PCNX1: variants seen among roughly 807,000 people sequenced by gnomAD.
PCNX1 encodes the protein pecanex 1.
In PCNX1, 78 loss-of-function variants were observed where a neutral mutation model predicts 242.2. The observed-to-expected ratio is 0.32, with a 90% CI of 0.27 to 0.39. The LOEUF is 0.39. Among genes scored for constraint, PCNX1 ranks in the 10% least tolerant of loss-of-function variants. PCNX1 has a pLI of 1.00. For synonymous variants in PCNX1, 1,024 were observed against 1,032.9 expected (o/e 0.99, Z 0.17); for missense variants, 2,581 against 2,856.5 (o/e 0.90, Z 2.20).
At position 71,061,083 on chromosome 14, in the gene PCNX1, G is replaced by A. The variant is rs142126663; in HGVS notation, c.4852+3359G>A. Among the ~76,000 whole-genome samples the A allele has an allele frequency of 2.2e-3, 340 of 152,294 alleles. 2 individuals carry two copies. The highest frequency in any genetic ancestry group is 7.9e-3 in the African/African-American group (327 of 41,562). ...AAATCTTCAGTATAGATGAAAGCTTGCTATTCTGAAAACAGATACTGGAAA... is the reference window on the plus strand; with the variant it reads ...AAATCTTCAGTATAGATGAAAGCTTACTATTCTGAAAACAGATACTGGAAA... On this transcript the variant is annotated intron_variant, in intron 26 of 35. Coordinates refer to ENST00000304743, the MANE Select transcript of PCNX1 (RefSeq NM_014982.3).
intron 27 of PCNX1, among the ~76,000 whole-genome samples, chr14:71,074,990 CTTTTTTTTTT>C (rs900279128): frequency 9.9e-5 from 10 of 101,114 alleles, no homozygotes; most frequent in East Asian, 8.6e-4. Flanking sequence ...CTTTTCTTCT[CTTTTTTTTTT>C]TTTTTTTTTT....
intron 1 of PCNX1, among the ~76,000 whole-genome samples, chr14:70,928,381 A>C (rs998030421): frequency 2.8e-4 from 43 of 152,302 alleles, no homozygotes; most frequent in African/African-American, 9.6e-4. Flanking sequence ...TTGCAATAGA[A>C]TATATCAGGA....
chr14:70,973,336 G>A (rs893391877), intron 5 of PCNX1, among the ~76,000 whole-genome samples: 1 of 151,936 alleles, frequency 6.6e-6, no homozygotes, highest in Non-Finnish European at 1.5e-5. Context: ...AGGAGACTGA[G>A]TAGGAACAAC....
rs115100158 is a variant in PCNX1 at position 70,963,137 on chromosome 14, G to A, written c.468+806G>A. Among the ~76,000 whole-genome samples the A allele has an allele frequency of 6.3e-3, 954 of 152,314 alleles. 8 individuals are homozygous for A. Among genetic ancestry groups the A allele is most frequent in the African/African-American group, 0.022 (920 of 41,566 alleles). ...TATCATATGACACAGATTGTGGATT[G>A]AAACCATTCTTCTCTTTTCTGCCTG... On this transcript the variant is annotated intron_variant, in intron 3 of 35. Transcript: ENST00000304743.
At position 70,914,314 on chromosome 14, in the gene PCNX1, T is replaced by C. The variant is rs1196493134; in HGVS notation, c.153+6311T>C. Among the ~76,000 whole-genome samples, 6 of 139,020 alleles carry C rather than the reference T, an allele frequency of 4.3e-5. No individual in the cohort carries two copies. The East Asian group carries it at 1.2e-3, about 29-fold the overall frequency. The allele number at this position is 139,020 out of a possible 152,430, so 91.2% of individuals were successfully genotyped here. A position where few individuals can be genotyped will look rare whatever the true frequency, so the allele number is the denominator to read the frequency against. On this transcript the variant is annotated intron_variant, in intron 1 of 35. Transcript: ENST00000304743. ...TGCCTATGTGACAAACCTGCACATG[T>C]ACCTTGCTGAATCTAAAGGAAAAGA...
At chr14:70,942,226 A>T (rs1038259726) in intron 1 of PCNX1, among the ~76,000 whole-genome samples, 7 of 152,194 alleles carry the variant, frequency 4.6e-5, no homozygotes, top group African/African-American at 9.7e-5. Flanking sequence ...GGAGCTGTAG[A>T]CTGGAGCTTT....
Position 70,988,669 on chromosome 14 carries a change from C to T in PCNX1, c.2414C>T (p.Pro805Leu), listed in dbSNP as rs753345355. The T allele has an allele frequency of 1.9e-6, 3 of 1,613,842 alleles. No homozygotes were observed. Among genetic ancestry groups the T allele is most frequent in the African/African-American group, 2.7e-5 (2 of 74,928 alleles). ...CACAATGCAGGGAGTAACCCTACCC[C>T]TCCTACATTGCTCATCGGATCACCC... ...RRHNAGSNPT[P>L]PTLLIGSPLS... is the part of the protein sequence containing the mutation. Residue 805 changes from proline to leucine, a missense_variant, in exon 7 of 36, where the codon CCT becomes CTT. Physicochemically the swap from Pro to Leu is moderately conservative, Grantham distance 98. Coordinates refer to ENST00000304743, the MANE Select transcript of PCNX1 (RefSeq NM_014982.3).
intron 30 of PCNX1, among the ~76,000 whole-genome samples, chr14:71,101,354 C>G (rs2062456212): frequency 1.3e-5 from 2 of 152,126 alleles, no homozygotes; most frequent in African/African-American, 2.4e-5. Context: ...TTTGTTTTAT[C>G]CATGCTGCCT....
At chr14:70,967,717 A>G (rs2058422481) in intron 3 of PCNX1, among the ~76,000 whole-genome samples, 1 of 152,214 alleles carries the variant, frequency 6.6e-6, no homozygotes, top group East Asian at 1.9e-4. Context: ...AAGGTACATA[A>G]TGATACACTT....
chr14:70,993,981 G>A (rs797020941), intron 7 of PCNX1, among the ~76,000 whole-genome samples: 37 of 152,274 alleles, frequency 2.4e-4, no homozygotes, highest in African/African-American at 8.9e-4. Flanking sequence ...ATTCCAGTCT[G>A]AAGAAATTAT....
chr14:70,934,181 A>G (rs1227207277), intron 1 of PCNX1, among the ~76,000 whole-genome samples: 1 of 152,234 alleles, frequency 6.6e-6, no homozygotes, highest in African/African-American at 2.4e-5. Context: ...GGCGTTTTCA[A>G]GAGTCCTATT....
chr14:70,966,554 G>A (rs926190203), intron 3 of PCNX1, among the ~76,000 whole-genome samples: 7 of 152,096 alleles, frequency 4.6e-5, no homozygotes, highest in African/African-American at 1.4e-4. Flanking sequence ...TCTCCCACAC[G>A]TTCATTCACC....
At position 71,084,659 on chromosome 14, in the gene PCNX1, G is replaced by A. The variant is rs185618938; in HGVS notation, c.5338-3671G>A. Among the ~76,000 whole-genome samples, 10 of 152,236 alleles carry A rather than the reference G, an allele frequency of 6.6e-5. No homozygotes were observed. In the East Asian group the frequency reaches 1.7e-3, roughly 27 times the overall value. On this transcript the variant is annotated intron_variant, in intron 28 of 35. Coordinates refer to ENST00000304743, the MANE Select transcript of PCNX1 (RefSeq NM_014982.3). ...TTGCTTACACTGTGAGGGGAAAACC[G>A]CCTACTGAAGCCTCAGTAATGGCAG...
In PCNX1 at chr14:70,926,957, A is replaced by G. The variant is rs7153063; in HGVS notation, c.153+18954A>G. Among the ~76,000 whole-genome samples the G allele has an allele frequency of 8.6e-3, 1,314 of 152,270 alleles. 25 individuals carry two copies. Among genetic ancestry groups the G allele is most frequent in the African/African-American group, 0.03 (1,239 of 41,560 alleles). On this transcript the variant is annotated intron_variant, in intron 1 of 35. Coordinates refer to ENST00000304743, the MANE Select transcript of PCNX1 (RefSeq NM_014982.3). ...GAGACAGTATAGTTTAGTGCTTAAA[A>G]ATGCAGGCTGTGGAGTCAGACTGGG... is the stretch of plus-strand genomic sequence containing the variant.
At chr14:70,949,028 G>A (rs755779311) in intron 2 of PCNX1, among the ~76,000 whole-genome samples, 4 of 147,286 alleles carry the variant, frequency 2.7e-5, no homozygotes, top group African/African-American at 2.5e-5. Context: ...TAAAATGTGT[G>A]TGTATATATA....
At chr14:71,064,635 A>G (rs2061404556) in intron 26 of PCNX1, among the ~76,000 whole-genome samples, 2 of 152,218 alleles carry the variant, frequency 1.3e-5, no homozygotes, top group Admixed American at 6.5e-5. Context: ...TTCTTTTAAT[A>G]TACTTTAAGT....
chr14:70,931,211 AG>A (rs1278684219), intron 1 of PCNX1, among the ~76,000 whole-genome samples: 1 of 152,170 alleles, frequency 6.6e-6, no homozygotes, highest in Non-Finnish European at 1.5e-5. Context: ...AAAAAGCCAA[AG>A]GGGGTTTTTC....
intron 15 of PCNX1, 112 bp from the exon 16 acceptor site, chr14:71,028,588 A>G: frequency 1.6e-6 from 1 of 624,822 alleles, no homozygotes; most frequent in Non-Finnish European, 2.7e-6. Context: ...TCAGATTAGT[A>G]GATATTTAAT....
At chr14:70,974,220 A>G (rs2058624857) in intron 5 of PCNX1, among the ~76,000 whole-genome samples, 1 of 149,544 alleles carries the variant, frequency 6.7e-6, no homozygotes, top group Non-Finnish European at 1.5e-5. Flanking sequence ...AACTTACAGA[A>G]CTGGAATTGT....
Sources: allele counts gnomAD v4.1 joint callset (sites outside exome capture counted in the v4.1 genomes callset), GRCh38; gene constraint gnomAD v4.1.1; transcripts MANE v1.5; gene names NCBI Gene and HGNC (gene_info 2026-07-23, HGNC 2026-07-21).